CDK8: variants seen among roughly 807,000 people sequenced by gnomAD.
CDK8 encodes cyclin dependent kinase 8.
A neutral mutation model predicts 71.5 loss-of-function variants in CDK8; 29 were observed. That is an observed-to-expected ratio of 0.41 (90% CI 0.30 to 0.55). CDK8 has a LOEUF of 0.55. Among genes scored for constraint, CDK8 ranks in the 20% least tolerant of loss-of-function variants. CDK8 has a pLI of 0.37. For missense variants in CDK8, 288 were observed against 572.6 expected (o/e 0.50, Z 5.07); for synonymous variants, 161 against 192.1 (o/e 0.84, Z 1.34).
intron 6 of CDK8, 39 bp downstream of exon 6, chr13:26,385,381 G>A: frequency 6.5e-7 from 1 of 1,535,788 alleles, no homozygotes; most frequent in Non-Finnish European, 8.8e-7. Context: ...GTTTTTAAAA[G>A]TTTCTTTAAA....
intron 1 of CDK8, among the ~76,000 whole-genome samples, chr13:26,298,060 T>C (rs1405659168): frequency 6.6e-6 from 1 of 152,118 alleles, no homozygotes; most frequent in Non-Finnish European, 1.5e-5. Context: ...CGATTTTATA[T>C]TGGTACCAAT....
intron 1 of CDK8, among the ~76,000 whole-genome samples, chr13:26,271,126 A>G (rs528778083): frequency 6.6e-6 from 1 of 152,346 alleles, no homozygotes; most frequent in African/African-American, 2.4e-5. Context: ...GTGGGAAAAT[A>G]TATTCAAATG....
At chr13:26,280,866 A>G (rs1337419935) in intron 1 of CDK8, among the ~76,000 whole-genome samples, 1 of 152,158 alleles carries the variant, frequency 6.6e-6, no homozygotes, top group Non-Finnish European at 1.5e-5. Context: ...GCATGTGGAG[A>G]CTCACACTGT....
chr13:26,393,931 T>G (rs1875870025), intron 7 of CDK8, among the ~76,000 whole-genome samples: 1 of 152,162 alleles, frequency 6.6e-6, no homozygotes, highest in African/African-American at 2.4e-5. Flanking sequence ...TTGAACCTTA[T>G]TTCTATTTAG....
chr13:26,287,188 C>G (rs971313039), intron 1 of CDK8, among the ~76,000 whole-genome samples: 2 of 152,206 alleles, frequency 1.3e-5, no homozygotes, highest in African/African-American at 4.8e-5. Context: ...AAGACACTTG[C>G]ACACACATTT....
At chr13:26,363,010 A>G (rs1874217606) in intron 4 of CDK8, among the ~76,000 whole-genome samples, 1 of 141,160 alleles carries the variant, frequency 7.1e-6, no homozygotes, top group African/African-American at 2.6e-5. Context: ...TTTTTTTTTA[A>G]TTTTCAAGTT....
chr13:26,254,902 A>T lies in CDK8; in HGVS notation c.128+133A>T. 2 of 1,325,554 alleles carry T rather than the reference A, an allele frequency of 1.5e-6. No individual in the cohort carries two copies. The highest frequency in any genetic ancestry group is 2.4e-5 in the East Asian group (1 of 40,902). 82.1% of individuals were successfully genotyped at this position (1,325,554 alleles called of 1,614,324 possible). ...CTCGACGCCGGCCTCTGGCTCCGCC[A>T]GCCAGGTTTGGGGAGGAAGTGGTGT... On this transcript the variant is annotated intron_variant, in intron 1 of 12. Transcript: ENST00000381527. The surrounding 1 kb of genome is among the most constrained non-coding windows in gnomAD (Gnocchi z 6.7).
chr13:26,302,975 G>A (rs1398620116), intron 1 of CDK8, among the ~76,000 whole-genome samples: 1 of 152,192 alleles, frequency 6.6e-6, no homozygotes, highest in African/African-American at 2.4e-5. Context: ...TTACTGGCAT[G>A]AGCCACTGTG....
chr13:26,267,514 A>G (rs1872075225), intron 1 of CDK8, among the ~76,000 whole-genome samples: 1 of 152,194 alleles, frequency 6.6e-6, no homozygotes, highest in Non-Finnish European at 1.5e-5. Flanking sequence ...ATGTATGGGT[A>G]GACTTCAAAA....
chr13:26,367,669 T>C (rs1874454662), intron 4 of CDK8, among the ~76,000 whole-genome samples: 1 of 152,226 alleles, frequency 6.6e-6, no homozygotes, highest in Non-Finnish European at 1.5e-5. Context: ...AAGAGCTTTA[T>C]CCGTTTTGTT....
At chr13:26,342,126 G>A (rs1873267020) in intron 2 of CDK8, among the ~76,000 whole-genome samples, 1 of 152,160 alleles carries the variant, frequency 6.6e-6, no homozygotes, top group Non-Finnish European at 1.5e-5. Context: ...TCACCATGTT[G>A]GCCAGGATGG....
At chr13:26,325,492 T>C (rs900715900) in intron 1 of CDK8, among the ~76,000 whole-genome samples, 1 of 152,212 alleles carries the variant, frequency 6.6e-6, no homozygotes, top group Non-Finnish European at 1.5e-5. Context: ...CCAAAACTTA[T>C]TAGCCTGCTC....
At chr13:26,335,003 AG>A (rs1872916253) in intron 1 of CDK8, among the ~76,000 whole-genome samples, 1 of 152,074 alleles carries the variant, frequency 6.6e-6, no homozygotes, top group Non-Finnish European at 1.5e-5. Flanking sequence ...AGACCCTGAA[AG>A]CTTGTTCTCT....
chr13:26,368,124 G>A (rs1230560891), intron 4 of CDK8, among the ~76,000 whole-genome samples: 1 of 152,102 alleles, frequency 6.6e-6, no homozygotes, highest in East Asian at 1.9e-4. Flanking sequence ...ATTAATATCT[G>A]TTTACCCTAC....
chr13:26,301,923 A>G (rs1036079387), intron 1 of CDK8, among the ~76,000 whole-genome samples: 3 of 152,200 alleles, frequency 2.0e-5, no homozygotes, highest in Non-Finnish European at 4.4e-5. Flanking sequence ...GTTGGTAGTC[A>G]GTCTGTGGGG....
intron 1 of CDK8, among the ~76,000 whole-genome samples, chr13:26,284,969 T>G (rs1048201313): frequency 1.5e-4 from 22 of 148,180 alleles, no homozygotes; most frequent in African/African-American, 5.5e-4. Flanking sequence ...CTGGGTACAG[T>G]GGCTCATGCC....
At chr13:26,304,369 C>G (rs1873946636) in intron 1 of CDK8, among the ~76,000 whole-genome samples, 1 of 151,704 alleles carries the variant, frequency 6.6e-6, no homozygotes, top group South Asian at 2.1e-4. Context: ...TTTATTTTAC[C>G]TAGTATTTCA....
intron 1 of CDK8, among the ~76,000 whole-genome samples, chr13:26,264,925 T>C (rs370724949): frequency 6.6e-6 from 1 of 152,248 alleles, no homozygotes; most frequent in Non-Finnish European, 1.5e-5. Context: ...TTTTTGTGGC[T>C]GAATAGTATT....
chr13:26,365,913 A>G (rs1874366447), intron 4 of CDK8, among the ~76,000 whole-genome samples: 1 of 152,064 alleles, frequency 6.6e-6, no homozygotes, highest in Non-Finnish European at 1.5e-5. Flanking sequence ...CAAATATATC[A>G]CAATACCAAG....
Sources: gnomAD v4.1 joint callset for allele counts (sites outside exome capture counted in the v4.1 genomes callset) on GRCh38, gnomAD v4.1.1 for gene constraint, Gnocchi (gnomAD v3.1) non-coding constraint, MANE v1.5 for transcripts, NCBI Gene and HGNC (gene_info 2026-07-23, HGNC 2026-07-21) for gene names.